The following TNPO3 variants were observed in gnomAD, a reference collection of about 807,000 sequenced individuals.
TNPO3 encodes the protein transportin 3, also known as transportin-3.
Under a neutral mutation model 122.8 loss-of-function variants are expected in TNPO3, and 65 were observed. The ratio of observed to expected loss-of-function variants is 0.53; its 90% CI spans 0.43 to 0.65. TNPO3 has a LOEUF of 0.65. Among genes scored for constraint, TNPO3 ranks in the 30% least tolerant of loss-of-function variants. The pLI is 0.00. For missense variants in TNPO3, 850 were observed against 1,136.7 expected (o/e 0.75, Z 3.63); for synonymous variants, 372 against 411.2 (o/e 0.90, Z 1.15).
At chr7:128,960,364 C>T (rs544848067) in intron 21 of TNPO3, among the ~76,000 whole-genome samples, 1 of 152,010 alleles carries the variant, frequency 6.6e-6, no homozygotes, top group South Asian at 2.1e-4. Flanking sequence ...GTAAAACAGC[C>T]TCAGGCAGGT....
chr7:128,956,899 T>C (rs1024576874), intron 22 of TNPO3, among the ~76,000 whole-genome samples: 2 of 152,166 alleles, frequency 1.3e-5, no homozygotes, highest in Admixed American at 6.5e-5. Context: ...AAAATACTTA[T>C]TTGTTTGTTG....
In TNPO3 at chr7:128,957,396, A is replaced by G. The variant is rs1208433296; in HGVS notation, c.2712-81T>C. The G allele has an allele frequency of 2.4e-4, 339 of 1,413,022 alleles. 2 individuals carry two copies. The highest frequency in any genetic ancestry group is 1.3e-5 in the Non-Finnish European group (13 of 1,012,902). 87.5% of individuals were successfully genotyped at this position (1,413,022 alleles called of 1,614,324 possible). On this transcript the variant is annotated intron_variant, in intron 21 of 22. Coordinates refer to ENST00000265388, the MANE Select transcript of TNPO3 (RefSeq NM_012470.4). ...AAAAACAACTGCAACATTGGGGCACACTGAGAACCGTCCCAACTCTGCTAG... is the reference window on the plus strand; with the variant it reads ...AAAAACAACTGCAACATTGGGGCACGCTGAGAACCGTCCCAACTCTGCTAG...
chr7:129,054,115 G>C (rs1309098060), intron 1 of TNPO3, among the ~76,000 whole-genome samples: 5 of 152,186 alleles, frequency 3.3e-5, no homozygotes, highest in Non-Finnish European at 7.3e-5. Flanking sequence ...CCACTCCAAA[G>C]CAAGGGGAAA....
intron 18 of TNPO3, among the ~76,000 whole-genome samples, chr7:128,972,991 A>G (rs1009029400): frequency 6.6e-6 from 1 of 152,112 alleles, no homozygotes; most frequent in East Asian, 1.9e-4. Context: ...CAGTGAACCT[A>G]AAGTTGCTCT....
At chr7:129,018,232 TATAAAC>T (rs1478455502) in intron 1 of TNPO3, 75 bp from the exon 2 acceptor site, 1 of 1,424,548 alleles carries the variant, frequency 7.0e-7, no homozygotes, top group African/African-American at 1.4e-5. Flanking sequence ...TCAATACTTA[TATAAAC>T]ATATTTAGCC....
At chr7:129,051,137 CA>C (rs1451324609) in intron 1 of TNPO3, among the ~76,000 whole-genome samples, 1 of 88,498 alleles carries the variant, frequency 1.1e-5, no homozygotes, top group Non-Finnish European at 2.9e-5. Flanking sequence ...ACCCAGAAAA[CA>C]AAATGTTAAA....
chr7:128,997,380 G>C lies in TNPO3; in HGVS notation c.1158+9C>G. On this transcript the variant is annotated intron_variant, in intron 8 of 22. Coordinates refer to ENST00000265388, the MANE Select transcript of TNPO3 (RefSeq NM_012470.4). ...ATTAAGATTTGAAGAGGTAGAGAAG[G>C]GAACTTACATGGTCTGGTTCCAGCT... 1 of 1,613,558 alleles carries C rather than the reference G, an allele frequency of 6.2e-7. No homozygotes were observed. Among genetic ancestry groups the C allele is most frequent in the Non-Finnish European group, 8.5e-7 (1 of 1,179,792 alleles).
intron 1 of TNPO3, among the ~76,000 whole-genome samples, chr7:129,054,290 G>A (rs1218155398): frequency 6.6e-6 from 1 of 152,140 alleles, no homozygotes. Context: ...CTTCTTAAGC[G>A]GAAGGTGGAG....
intron 3 of TNPO3, among the ~76,000 whole-genome samples, chr7:129,016,109 A>G (rs1803825576): frequency 6.6e-6 from 1 of 152,134 alleles, no homozygotes; most frequent in Non-Finnish European, 1.5e-5. Context: ...TAATTTTTAA[A>G]AAAGTTATCC....
chr7:128,970,038 T>TTCCATGGA, intron 20 of TNPO3, 110 bp downstream of exon 20: 1 of 1,338,268 alleles, frequency 7.5e-7, no homozygotes, highest in East Asian at 2.3e-5. Context: ...CTAAATTTGG[T>TTCCATGGA]TCCATGGACA....
chr7:128,973,716 A>G (rs1361287262), intron 18 of TNPO3, among the ~76,000 whole-genome samples: 2 of 121,506 alleles, frequency 1.6e-5, no homozygotes, highest in Non-Finnish European at 3.4e-5. Flanking sequence ...AGCCTGGGCG[A>G]CAGAGCGAGA....
intron 18 of TNPO3, 80 bp downstream of exon 18, chr7:128,974,787 TA>T: frequency 8.3e-7 from 1 of 1,205,008 alleles, no homozygotes; most frequent in Non-Finnish European, 1.2e-6. Context: ...TTTACAAGAA[TA>T]AAACAACCAA....
At position 128,999,012 on chromosome 7, in the gene TNPO3, C is replaced by G. The variant is rs555448852; in HGVS notation, c.1011+1417G>C. ...GCGATTACAGGTGCGCACCATCACC[C>G]CAGCTAATTTTTGTATTTTTAGTAA... On this transcript the variant is annotated intron_variant, in intron 7 of 22. Transcript: ENST00000265388. Among the ~76,000 whole-genome samples the G allele has an allele frequency of 1.3e-4, 20 of 152,158 alleles. No homozygotes were observed. The East Asian group carries it at 3.7e-3, about 28-fold the overall frequency.
chr7:129,016,941 G>C, intron 3 of TNPO3, 42 bp downstream of exon 3: 1 of 1,571,034 alleles, frequency 6.4e-7, no homozygotes, highest in Non-Finnish European at 8.8e-7. Context: ...TAGGTTAATG[G>C]CAATTCCAAA....
intron 1 of TNPO3, among the ~76,000 whole-genome samples, chr7:129,048,950 G>T (rs1343706351): frequency 6.6e-6 from 1 of 152,198 alleles, no homozygotes; most frequent in Non-Finnish European, 1.5e-5. Flanking sequence ...TCTAGTAGGG[G>T]AGGCAAAACA....
chr7:129,054,062 T>G (rs182953047), intron 1 of TNPO3, among the ~76,000 whole-genome samples: 2 of 152,282 alleles, frequency 1.3e-5, no homozygotes, highest in East Asian at 3.9e-4. Flanking sequence ...ACTCCAAAGA[T>G]TTTCTGAAAG....
At chr7:129,011,778 C>T (rs11767711) in intron 4 of TNPO3, among the ~76,000 whole-genome samples, 87,483 of 151,934 alleles carry the variant, frequency 0.58, 25,471 homozygotes, top group South Asian at 0.62. Context: ...TAAAGTATAA[C>T]TTCATTTGGG....
At chr7:129,009,226 G>A (rs552799699) in intron 4 of TNPO3, among the ~76,000 whole-genome samples, 1 of 152,296 alleles carries the variant, frequency 6.6e-6, no homozygotes, top group South Asian at 2.1e-4. Context: ...AGCTATGAGA[G>A]CAAGCAGAAA....
chr7:128,971,398 G>A (rs1798476563), intron 19 of TNPO3, among the ~76,000 whole-genome samples: 1 of 152,166 alleles, frequency 6.6e-6, no homozygotes, highest in African/African-American at 2.4e-5. Context: ...TGCACGCCTT[G>A]GCCTCCCAAA....
Sources: gnomAD v4.1 joint callset for allele counts (sites outside exome capture counted in the v4.1 genomes callset) on GRCh38, gnomAD v4.1.1 for gene constraint, MANE v1.5 for transcripts, NCBI Gene and HGNC (gene_info 2026-07-23, HGNC 2026-07-21) for gene names.